Variants in NKAIN3 observed in about 807,000 individuals in gnomAD.
NKAIN3 encodes sodium/potassium transporting ATPase interacting 3.
Under a neutral mutation model 30.2 loss-of-function variants are expected in NKAIN3, and 25 were observed. The observed-to-expected ratio is 0.83, with a 90% confidence interval of 0.60 to 1.16. NKAIN3 has a LOEUF of 1.16. Ranked by LOEUF, NKAIN3 falls within the 50% of genes most tolerant of loss-of-function variation. The pLI is 0.00. For missense variants in NKAIN3, 225 were observed against 254.1 expected, an observed-to-expected ratio of 0.89 and a Z score of 0.78; for synonymous variants, 91 against 89.6, an observed-to-expected ratio of 1.02 and a Z score of -0.09.
chr8:62,528,853 T>G (rs1285932616), intron 1 of NKAIN3, among the ~76,000 whole-genome samples: 2 of 152,138 alleles, frequency 1.3e-5, no homozygotes, highest in Non-Finnish European at 2.9e-5. Flanking sequence ...GGCGAGGAAC[T>G]GAGTAATATA....
intron 1 of NKAIN3, among the ~76,000 whole-genome samples, chr8:62,426,392 T>C (rs1398358591): frequency 6.6e-6 from 1 of 152,006 alleles, no homozygotes; most frequent in Non-Finnish European, 1.5e-5. Context: ...AATATGAATA[T>C]AGAATAAGAA....
In NKAIN3 at chr8:62,379,592, G is replaced by C. The variant is rs1233705769; in HGVS notation, c.54+130465G>C. ...TGAGTGAGTTCTCACAAGATCTGAT[G>C]GTTTTATGAGTCTGGCATTTTCCCT... On this transcript the variant is annotated intron_variant, in intron 1 of 6. Transcript: ENST00000623646. Among the ~76,000 whole-genome samples, 5 of 152,254 alleles carry C rather than the reference G, an allele frequency of 3.3e-5. No homozygotes were observed. In the East Asian group the frequency reaches 9.7e-4, roughly 29 times the overall value.
intron 1 of NKAIN3, among the ~76,000 whole-genome samples, chr8:62,367,014 G>A (rs553582646): frequency 5.2e-4 from 79 of 152,054 alleles, no homozygotes; most frequent in Non-Finnish European, 8.5e-4. Context: ...ATTTCCTCCT[G>A]TTATTGATTC....
At chr8:62,894,868 A>G (rs1038445032) in intron 4 of NKAIN3, among the ~76,000 whole-genome samples, 2 of 152,180 alleles carry the variant, frequency 1.3e-5, no homozygotes, top group African/African-American at 2.4e-5. Flanking sequence ...TGAGCACAAC[A>G]TAATTGCTAG....
At chr8:62,860,999 T>C (rs1820221231) in intron 4 of NKAIN3, among the ~76,000 whole-genome samples, 1 of 152,186 alleles carries the variant, frequency 6.6e-6, no homozygotes, top group Non-Finnish European at 1.5e-5. Context: ...CCAAGACAAA[T>C]AGACTTAACA....
chr8:62,959,436 GT>G (rs1459330086), intron 6 of NKAIN3, among the ~76,000 whole-genome samples: 3 of 111,050 alleles, frequency 2.7e-5, no homozygotes, highest in Middle Eastern at 5.1e-3. Context: ...AAATCAGGGT[GT>G]GTGTGTGTGT....
intron 1 of NKAIN3, among the ~76,000 whole-genome samples, chr8:62,395,559 T>G (rs1817729564): frequency 1.3e-5 from 2 of 152,368 alleles, no homozygotes; most frequent in Non-Finnish European, 2.9e-5. Flanking sequence ...GCTAAATATC[T>G]AAATATCAGA....
At chr8:62,866,221 C>A (rs1820408359) in intron 4 of NKAIN3, among the ~76,000 whole-genome samples, 1 of 152,140 alleles carries the variant, frequency 6.6e-6, no homozygotes, top group Admixed American at 6.5e-5. Flanking sequence ...GAAATGTGTT[C>A]ATTGTGTCGA....
chr8:62,759,013 A>C (rs1433399951), intron 4 of NKAIN3, among the ~76,000 whole-genome samples: 5 of 152,194 alleles, frequency 3.3e-5, no homozygotes, highest in Non-Finnish European at 7.4e-5. Flanking sequence ...CTAACACTCT[A>C]GTATTATCAG....
chr8:62,299,496 T>C (rs1813966430), intron 1 of NKAIN3, among the ~76,000 whole-genome samples: 1 of 152,258 alleles, frequency 6.6e-6, no homozygotes, highest in Non-Finnish European at 1.5e-5. Flanking sequence ...TTTGCTATAG[T>C]GAGTGCTCCT....
rs987742932 is a variant in NKAIN3, at chr8:62,638,861, G to A, written c.273+49067G>A. On this transcript the variant is annotated intron_variant, in intron 3 of 6. Coordinates refer to ENST00000623646, the MANE Select transcript of NKAIN3 (RefSeq NM_001304533.3). ...TCCCAAATGTTCACAAAAGAGACTAGGGGCTTGACAATCTCTGTGCTCCTC... is the reference window on the plus strand; with the variant it reads ...TCCCAAATGTTCACAAAAGAGACTAAGGGCTTGACAATCTCTGTGCTCCTC... 9.9e-5 allele frequency among the ~76,000 whole-genome samples: 15 copies of A among 152,228 alleles called. No homozygotes were observed. The East Asian group carries it at 2.9e-3, about 29-fold the overall frequency.
chr8:62,965,760 A>G lies in NKAIN3; in HGVS notation c.*353A>G. The G allele has an allele frequency of 1.0e-6, 1 of 985,046 alleles. No individual in the cohort carries two copies. Among genetic ancestry groups the G allele is most frequent in the Non-Finnish European group, 1.2e-6 (1 of 829,664 alleles). 61.0% of individuals were successfully genotyped at this position (985,046 alleles called of 1,614,324 possible). A position where few individuals can be genotyped will look rare whatever the true frequency, so the allele number is the denominator to read the frequency against. ...AGAGAAATCTCAGTGTGTGCTGTGG[A>G]GATGTTAAGTCAGCACTGCTGACTG... is the stretch of plus-strand genomic sequence containing the variant. On this transcript the variant is annotated 3_prime_UTR_variant, in exon 7 of 7. Coordinates refer to ENST00000623646, the MANE Select transcript of NKAIN3 (RefSeq NM_001304533.3).
intron 3 of NKAIN3, among the ~76,000 whole-genome samples, chr8:62,675,225 A>AT (rs920795842): frequency 3.3e-5 from 5 of 152,104 alleles, no homozygotes; most frequent in African/African-American, 4.8e-5. Flanking sequence ...ATTAGAAGTG[A>AT]TTTTTTCCCA....
At chr8:62,515,632 T>C (rs903704566) in intron 1 of NKAIN3, among the ~76,000 whole-genome samples, 25 of 152,146 alleles carry the variant, frequency 1.6e-4, no homozygotes, top group Admixed American at 5.2e-4. Context: ...CCTAGGTGTG[T>C]GATTAATCAA....
intron 3 of NKAIN3, among the ~76,000 whole-genome samples, chr8:62,601,793 T>C (rs550138742): frequency 2.0e-5 from 3 of 152,212 alleles, no homozygotes; most frequent in African/African-American, 7.2e-5. Context: ...GCAATTATAT[T>C]CTTTTAAAAA....
chr8:62,384,249 G>A (rs1294828341), intron 1 of NKAIN3, among the ~76,000 whole-genome samples: 1 of 152,120 alleles, frequency 6.6e-6, no homozygotes, highest in African/African-American at 2.4e-5. Flanking sequence ...AATAAGAGGT[G>A]GCCATGAATT....
intron 1 of NKAIN3, among the ~76,000 whole-genome samples, chr8:62,338,657 T>C (rs1301273904): frequency 2.0e-5 from 3 of 151,888 alleles, no homozygotes; most frequent in Admixed American, 2.0e-4. Flanking sequence ...GATCCCACAA[T>C]AGGCCATCTG....
At chr8:62,509,486 A>G (rs921909439) in intron 1 of NKAIN3, among the ~76,000 whole-genome samples, 3 of 152,100 alleles carry the variant, frequency 2.0e-5, no homozygotes, top group Non-Finnish European at 4.4e-5. Context: ...ACTTAATAAA[A>G]ACAGCCTTGG....
intron 1 of NKAIN3, among the ~76,000 whole-genome samples, chr8:62,508,003 T>C (rs988013891): frequency 6.6e-6 from 1 of 152,200 alleles, no homozygotes; most frequent in African/African-American, 2.4e-5. Flanking sequence ...TTTAGGCTCA[T>C]CTGGGACAGA....
Sources: gnomAD v4.1 joint callset for allele counts (sites outside exome capture counted in the v4.1 genomes callset) on GRCh38, gnomAD v4.1.1 for gene constraint, MANE v1.5 for transcripts, NCBI Gene and HGNC (gene_info 2026-07-23, HGNC 2026-07-21) for gene names.